Variants in ADAMTS18 observed in about 807,000 individuals in gnomAD.
ADAMTS18 encodes ADAM metallopeptidase with thrombospondin type 1 motif 18.
Under a neutral mutation model 165.9 loss-of-function variants are expected in ADAMTS18, and 157 were observed. That is an observed-to-expected ratio of 0.95 (90% confidence interval 0.83 to 1.08). The LOEUF is 1.08. Ranked by LOEUF, ADAMTS18 falls within the 50% of genes least tolerant of loss-of-function variation. ADAMTS18 has a pLI of 0.00. For missense variants in ADAMTS18, 2,040 were observed against 1,534.0 expected, an observed-to-expected ratio of 1.33 and a Z score of -5.51; for synonymous variants, 782 against 578.2, an observed-to-expected ratio of 1.35 and a Z score of -5.06.
chr16:77,288,577 T>G (rs1240721771), intron 22 of ADAMTS18, among the ~76,000 whole-genome samples: 1 of 152,142 alleles, frequency 6.6e-6, no homozygotes, highest in African/African-American at 2.4e-5. Flanking sequence ...TAAGAAAACA[T>G]TTAGGTATAG....
chr16:77,305,806 G>A (rs987376848), intron 16 of ADAMTS18, among the ~76,000 whole-genome samples: 2 of 152,146 alleles, frequency 1.3e-5, no homozygotes, highest in Non-Finnish European at 2.9e-5. Flanking sequence ...GGACAACCCT[G>A]GAGAGGTGTG....
At chr16:77,400,432 GTGTGTGTGTGTGTGTGTGTGTGTC>G (rs1280547953) in intron 3 of ADAMTS18, among the ~76,000 whole-genome samples, 34 of 77,688 alleles carry the variant, frequency 4.4e-4, no homozygotes, top group Admixed American at 9.2e-4. Flanking sequence ...AATTGTGTGT[GTGTGTGTGTGTGTGTGTGTGTGTC>G]TGTGTGTGTG....
At chr16:77,353,957 C>T in intron 9 of ADAMTS18, 71 bp from the exon 10 acceptor site, 1 of 1,574,314 alleles carries the variant, frequency 6.4e-7, no homozygotes, top group Non-Finnish European at 8.7e-7. Context: ...CAACACACTT[C>T]TGAATGCATT....
chr16:77,309,937 A>T (rs2055749946), intron 16 of ADAMTS18, among the ~76,000 whole-genome samples: 1 of 152,212 alleles, frequency 6.6e-6, no homozygotes, highest in Admixed American at 6.5e-5. Flanking sequence ...AATGCATTTT[A>T]GGAGATCAAA....
chr16:77,357,409 TTTC>T (rs1325078418), intron 8 of ADAMTS18, among the ~76,000 whole-genome samples: 6 of 152,200 alleles, frequency 3.9e-5, no homozygotes, highest in Non-Finnish European at 5.9e-5. Context: ...GTGAAAGCAT[TTTC>T]TTATCCTCAG....
At chr16:77,322,741 C>T (rs1567481393) in intron 13 of ADAMTS18, among the ~76,000 whole-genome samples, 1 of 152,288 alleles carries the variant, frequency 6.6e-6, no homozygotes. Context: ...GGGTTACTAT[C>T]CAGCCTCCCT....
intron 3 of ADAMTS18, among the ~76,000 whole-genome samples, chr16:77,400,375 C>G (rs1172638298): frequency 6.6e-6 from 1 of 151,484 alleles, no homozygotes; most frequent in East Asian, 1.9e-4. Context: ...TGGGACTACC[C>G]CTGATTAATG....
chr16:77,313,067 G>A (rs1285375736), intron 16 of ADAMTS18, among the ~76,000 whole-genome samples: 1 of 152,120 alleles, frequency 6.6e-6, no homozygotes, highest in Non-Finnish European at 1.5e-5. Context: ...ATGATGGACT[G>A]GATTAAGAAA....
chr16:77,284,188 T>C, intron 22 of ADAMTS18, 117 bp from the exon 23 acceptor site: 3 of 674,178 alleles, frequency 4.4e-6, no homozygotes, highest in South Asian at 1.6e-5. Flanking sequence ...TGGTGTGGTG[T>C]GATCTCCGCT....
chr16:77,308,702 C>T (rs1476323590), intron 16 of ADAMTS18, among the ~76,000 whole-genome samples: 1 of 152,048 alleles, frequency 6.6e-6, no homozygotes, highest in African/African-American at 2.4e-5. Context: ...CCTTAAATTA[C>T]CTACACCTAA....
intron 12 of ADAMTS18, among the ~76,000 whole-genome samples, chr16:77,329,105 T>C (rs76289383): frequency 1.4e-5 from 2 of 138,022 alleles, no homozygotes; most frequent in Middle Eastern, 7.2e-3. Context: ...AGATTCTCTC[T>C]TTTTTTTTTT....
intron 21 of ADAMTS18, chr16:77,290,983 G>A (rs2144563792): frequency 2.6e-6 from 1 of 389,094 alleles, no homozygotes; most frequent in East Asian, 5.6e-5. Flanking sequence ...ACCAACATTA[G>A]CAGTGTATAA....
At chr16:77,313,142 C>T (rs886911471) in intron 16 of ADAMTS18, among the ~76,000 whole-genome samples, 10 of 152,034 alleles carry the variant, frequency 6.6e-5, no homozygotes, top group African/African-American at 1.7e-4. Flanking sequence ...ATGTCCTTTG[C>T]AGGAACATGG....
chr16:77,381,578 T>A (rs1044458747), intron 3 of ADAMTS18, among the ~76,000 whole-genome samples: 1 of 151,816 alleles, frequency 6.6e-6, no homozygotes, highest in African/African-American at 2.4e-5. Context: ...CCGCGGCAGG[T>A]GGATCACGAG....
chr16:77,409,867 C>A (rs900075348), intron 3 of ADAMTS18, among the ~76,000 whole-genome samples: 1 of 151,874 alleles, frequency 6.6e-6, no homozygotes, highest in African/African-American at 2.4e-5. Context: ...ATCTTTAAGA[C>A]CTATAGTGCT....
intron 12 of ADAMTS18, among the ~76,000 whole-genome samples, chr16:77,334,990 A>G (rs2056284391): frequency 2.1e-5 from 3 of 143,596 alleles, no homozygotes; most frequent in African/African-American, 7.7e-5. Context: ...ATAGTAGTAT[A>G]TATACTGTAT....
At chr16:77,375,494 T>G (rs1041681276) in intron 3 of ADAMTS18, among the ~76,000 whole-genome samples, 2 of 152,154 alleles carry the variant, frequency 1.3e-5, no homozygotes, top group Non-Finnish European at 2.9e-5. Context: ...GGAACACTTT[T>G]CTGAGGAGGC....
rs75504444 is a variant in ADAMTS18, at chr16:77,323,748, T to C, written c.2033-1282A>G. ...TCAAGTCATGGTCAGTCTCCTCTGA[T>C]ATAAGTATCAAAAGGAGACAAGGAG... is the stretch of plus-strand genomic sequence containing the variant. On this transcript the variant is annotated intron_variant, in intron 13 of 22. Coordinates refer to ENST00000282849, the MANE Select transcript of ADAMTS18 (RefSeq NM_199355.4). Among the ~76,000 whole-genome samples, 12 of 152,314 alleles carry C rather than the reference T, an allele frequency of 7.9e-5. No individual in the cohort carries two copies. In the East Asian group the frequency reaches 1.5e-3, roughly 20 times the overall value.
At chr16:77,348,738 G>C (rs1344565759) in intron 10 of ADAMTS18, among the ~76,000 whole-genome samples, 1 of 152,160 alleles carries the variant, frequency 6.6e-6, no homozygotes, top group Non-Finnish European at 1.5e-5. Flanking sequence ...ATAGAGGCAA[G>C]AGATGTGTAT....
Sources: gnomAD v4.1 joint callset for allele counts (sites outside exome capture counted in the v4.1 genomes callset) on GRCh38, gnomAD v4.1.1 for gene constraint, MANE v1.5 for transcripts, NCBI Gene and HGNC (gene_info 2026-07-23, HGNC 2026-07-21) for gene names.